AGMO: variants seen among roughly 807,000 people sequenced by gnomAD.
AGMO encodes the protein glyceryl-ether monooxygenase.
A neutral mutation model predicts 60.2 loss-of-function variants in AGMO; 75 were observed. The ratio of observed to expected loss-of-function variants is 1.25; its 90% CI spans 1.03 to 1.51. The LOEUF is 1.51. Ranked by LOEUF, AGMO falls within the 40% of genes most tolerant of loss-of-function variation. The pLI is 0.00. For missense variants in AGMO, 763 were observed against 525.5 expected, an observed-to-expected ratio of 1.45 and a Z score of -4.42; for synonymous variants, 261 against 177.1, an observed-to-expected ratio of 1.47 and a Z score of -3.76.
chr7:15,481,108 G>A (rs2128517234), intron 3 of AGMO, among the ~76,000 whole-genome samples: 1 of 151,960 alleles, frequency 6.6e-6, no homozygotes, highest in South Asian at 2.1e-4. Flanking sequence ...ACTGTGGGCT[G>A]AAGAAAAATT....
chr7:15,293,571 G>C (rs369695702), intron 12 of AGMO, among the ~76,000 whole-genome samples: 10 of 152,034 alleles, frequency 6.6e-5, no homozygotes, highest in South Asian at 2.1e-4. Flanking sequence ...AAAACTACCA[G>C]GGTACTAGTT....
chr7:15,242,727 C>G (rs1279519470), intron 12 of AGMO, among the ~76,000 whole-genome samples: 1 of 151,968 alleles, frequency 6.6e-6, no homozygotes, highest in Non-Finnish European at 1.5e-5. Flanking sequence ...TTCCCCACTG[C>G]TGAGTAAAAA....
In AGMO at chr7:15,431,019, T is replaced by A; in HGVS notation, c.499A>T (p.Ile167Leu). Residue 167 changes from isoleucine (I) to leucine (L), a missense_variant, in exon 4 of 13, where the codon ATA becomes TTA. Transcript: ENST00000342526. ...STALRQSVLQ[I>L]YTSWIFYSPL... is the part of the protein sequence containing the mutation. ...ATACAACTTACCCAGGAAGTATATA[T>A]CTGGAGGACAGACTGTCTCAGTGCT... 2 of 1,598,992 alleles carry A rather than the reference T, an allele frequency of 1.3e-6. No homozygotes were observed. Among genetic ancestry groups the A allele is most frequent in the Non-Finnish European group, 1.7e-6 (2 of 1,169,862 alleles).
intron 12 of AGMO, among the ~76,000 whole-genome samples, chr7:15,261,257 T>G (rs552972744): frequency 1.7e-3 from 251 of 152,104 alleles, no homozygotes; most frequent in African/African-American, 5.8e-3. Flanking sequence ...GATAGACCGT[T>G]AGTGAGATTA....
At chr7:15,314,589 A>G (rs1407647880) in intron 12 of AGMO, among the ~76,000 whole-genome samples, 1 of 152,190 alleles carries the variant, frequency 6.6e-6, no homozygotes, top group Non-Finnish European at 1.5e-5. Flanking sequence ...ACACTGCATA[A>G]TAATTATTTA....
At chr7:15,291,603 CA>C (rs914543677) in intron 12 of AGMO, among the ~76,000 whole-genome samples, 41 of 151,060 alleles carry the variant, frequency 2.7e-4, no homozygotes, top group Admixed American at 2.4e-3. Context: ...CACACACACA[CA>C]AAAAAAAACT....
Position 15,390,635 on chromosome 7 carries a change from T to C in AGMO, c.822+36A>G, listed in dbSNP as rs752945444. On this transcript the variant is annotated intron_variant, in intron 8 of 12. Transcript: ENST00000342526. ...CTTAACTATAAGATTTATGAAATGATATAAATGAAGAAAGAATAAAAAACA... is the reference window on the plus strand; with the variant it reads ...CTTAACTATAAGATTTATGAAATGACATAAATGAAGAAAGAATAAAAAACA... The C allele has an allele frequency of 2.8e-6, 4 of 1,419,840 alleles. No individual in the cohort carries two copies. In the African/African-American group the frequency reaches 4.3e-5, roughly 15 times the overall value. The allele number at this position is 1,419,840 out of a possible 1,614,324, so 88.0% of individuals were successfully genotyped here. A position where few individuals can be genotyped will look rare whatever the true frequency, so the allele number is the denominator to read the frequency against.
rs1783232212 is a variant in AGMO at position 15,260,320 on chromosome 7, A to G, written c.1264-58961T>C. Among the ~76,000 whole-genome samples, 3 of 152,120 alleles carry G rather than the reference A, an allele frequency of 2.0e-5. No individual in the cohort carries two copies. In the South Asian group the frequency reaches 6.2e-4, roughly 32 times the overall value. On this transcript the variant is annotated intron_variant, in intron 12 of 12. Transcript: ENST00000342526. ...TAAACTTAAGAGAAAGGGGTAGAAA[A>G]AGATATTCCATGCAAATGAACACCA...
At chr7:15,378,022 C>G (rs976893973) in intron 10 of AGMO, among the ~76,000 whole-genome samples, 2 of 151,998 alleles carry the variant, frequency 1.3e-5, no homozygotes, top group African/African-American at 4.8e-5. Flanking sequence ...ATCATTAGCT[C>G]TAGCACAGGT....
intron 3 of AGMO, among the ~76,000 whole-genome samples, chr7:15,495,842 C>CTCTCT (rs1554279307): frequency 7.4e-6 from 1 of 135,970 alleles, no homozygotes; most frequent in Non-Finnish European, 1.6e-5. Context: ...CTCTCTCTCT[C>CTCTCT]CTCTCTCTCT....
the AGMO span, among the ~76,000 whole-genome samples, chr7:15,180,249 G>A: frequency 5.3e-5 from 8 of 152,010 alleles, no homozygotes; most frequent in Non-Finnish European, 1.2e-4. Flanking sequence ...CTTTTAATTA[G>A]AAGTACAATC....
intron 12 of AGMO, among the ~76,000 whole-genome samples, chr7:15,354,387 T>TATATAGATGC (rs1563105157): frequency 2.6e-5 from 1 of 38,168 alleles, no homozygotes; most frequent in East Asian, 8.8e-4. Flanking sequence ...TATACACGTG[T>TATATAGATGC]GTGTATACAC....
At chr7:15,127,394 C>T in the AGMO span, among the ~76,000 whole-genome samples, 11 of 152,038 alleles carry the variant, frequency 7.2e-5, no homozygotes, top group Non-Finnish European at 1.6e-4. Context: ...AAAATTTTCT[C>T]AACCTTAGAA....
chr7:15,176,445 C>T, the AGMO span, among the ~76,000 whole-genome samples: 2 of 151,846 alleles, frequency 1.3e-5, no homozygotes, highest in Non-Finnish European at 2.9e-5. Context: ...ATATTTTATA[C>T]AATGTATGGG....
chr7:15,158,402 C>T, the AGMO span, among the ~76,000 whole-genome samples: 388 of 152,282 alleles, frequency 2.5e-3, no homozygotes, highest in Non-Finnish European at 4.2e-3. Context: ...GTGAGGAGCA[C>T]AACTGCAGGG....
intron 3 of AGMO, among the ~76,000 whole-genome samples, chr7:15,518,130 G>A (rs1378482943): frequency 6.6e-6 from 1 of 152,268 alleles, no homozygotes; most frequent in African/African-American, 2.4e-5. Context: ...TCCTCTGTGG[G>A]CAGGGCATCT....
At chr7:15,255,922 A>G (rs1237835593) in intron 12 of AGMO, among the ~76,000 whole-genome samples, 1 of 152,230 alleles carries the variant, frequency 6.6e-6, no homozygotes, top group African/African-American at 2.4e-5. Context: ...AGTGTTTTTA[A>G]TGACTGATCA....
intron 12 of AGMO, among the ~76,000 whole-genome samples, chr7:15,323,604 A>C (rs1189225251): frequency 6.6e-6 from 1 of 152,132 alleles, no homozygotes; most frequent in East Asian, 1.9e-4. Context: ...AATTTCTTAT[A>C]ATATTTAGAC....
chr7:15,251,116 T>G (rs113674255), intron 12 of AGMO, among the ~76,000 whole-genome samples: 52 of 152,310 alleles, frequency 3.4e-4, no homozygotes, highest in African/African-American at 1.2e-3. Context: ...TATTAAATAC[T>G]TTAGCCCAGC....
Sources: allele counts gnomAD v4.1 joint callset (sites outside exome capture counted in the v4.1 genomes callset), GRCh38; gene constraint gnomAD v4.1.1; transcripts MANE v1.5; gene names NCBI Gene and HGNC (gene_info 2026-07-23, HGNC 2026-07-21).